The following RNF19A variants were observed in gnomAD, a reference collection of about 807,000 sequenced individuals.
RNF19A encodes E3 ubiquitin-protein ligase RNF19A.
A neutral mutation model predicts 75.7 loss-of-function variants in RNF19A; 32 were observed. The observed-to-expected ratio is 0.42, with a 90% CI of 0.32 to 0.57. The LOEUF is 0.57. Among genes scored for constraint, RNF19A ranks in the 20% least tolerant of loss-of-function variants. RNF19A has a pLI of 0.10. For synonymous variants in RNF19A, 335 were observed against 345.2 expected (o/e 0.97, Z 0.33); for missense variants, 782 against 1,036.3 (o/e 0.75, Z 3.37).
In RNF19A at chr8:100,330,500, C is replaced by T. The variant is rs960164959; in HGVS notation, c.-243+5608G>A. ...ATTAGTGATGAGATTTTTACTGGAA[C>T]TATTAGGAACTGTTGGGGACACTTA... On this transcript the variant is annotated intron_variant, in intron 1 of 3. Coordinates refer to the RNF19A transcript ENST00000519527. The surrounding 1 kb of genome is among the most constrained non-coding windows in gnomAD (Gnocchi z 4.1). 2.6e-5 allele frequency among the ~76,000 whole-genome samples: 4 copies of T among 152,164 alleles called. No homozygotes were observed. The highest frequency in any genetic ancestry group is 9.7e-5 in the African/African-American group (4 of 41,418).
chr8:100,321,656 A>G (rs1019648168), intron 1 of RNF19A, among the ~76,000 whole-genome samples: 3 of 152,236 alleles, frequency 2.0e-5, no homozygotes, highest in African/African-American at 7.2e-5. Flanking sequence ...GATCCATCAG[A>G]GGAATCACTA....
intron 2 of RNF19A, among the ~76,000 whole-genome samples, chr8:100,277,013 T>C (rs1413017371): frequency 6.6e-6 from 1 of 152,126 alleles, no homozygotes; most frequent in African/African-American, 2.4e-5. Flanking sequence ...CTGAATTATT[T>C]CTTACAACTG....
At chr8:100,291,803 T>C (rs540310783) in intron 1 of RNF19A, among the ~76,000 whole-genome samples, 3 of 152,220 alleles carry the variant, frequency 2.0e-5, no homozygotes, top group Non-Finnish European at 2.9e-5. Flanking sequence ...TTTGTGCTGA[T>C]GGTCAAAATA....
intron 1 of RNF19A, among the ~76,000 whole-genome samples, chr8:100,291,270 A>G (rs1821281902): frequency 6.6e-6 from 1 of 152,224 alleles, no homozygotes; most frequent in Admixed American, 6.5e-5. Context: ...GCACCGTACT[A>G]AATGTTAGCT....
chr8:100,273,851 C>A (rs148483250), intron 3 of RNF19A, among the ~76,000 whole-genome samples: 1 of 152,114 alleles, frequency 6.6e-6, no homozygotes, highest in Non-Finnish European at 1.5e-5. Context: ...GGCACAATCT[C>A]GGCTCACTGC....
intron 1 of RNF19A, among the ~76,000 whole-genome samples, chr8:100,335,394 G>A (rs1221454731): frequency 6.6e-6 from 1 of 152,178 alleles, no homozygotes; most frequent in East Asian, 1.9e-4. Flanking sequence ...TAGCTGGGAA[G>A]TGGCAGAGCC....
chr8:100,284,203 TAAC>T lies in RNF19A; in HGVS notation c.674+3295_674+3297del, dbSNP rs1178904269. On this transcript the variant is annotated intron_variant, in intron 2 of 9. Coordinates refer to ENST00000341084, the MANE Select transcript of RNF19A (RefSeq NM_183419.4). This position sits in a 1 kb window ranked among gnomAD's most constrained non-coding sequence, Gnocchi z 4.3. ...CATTAAAGATCTCACTTAATCCTTA[TAAC>T]AACAAGATAGGATAGGGACTCAAAA... Among the ~76,000 whole-genome samples, 2 of 152,154 alleles carry T rather than the reference TAAC, an allele frequency of 1.3e-5. No individual in the cohort carries two copies. The highest frequency in any genetic ancestry group is 2.9e-5 in the Non-Finnish European group (2 of 67,992).
At chr8:100,271,443 C>T (rs577359460) in intron 3 of RNF19A, among the ~76,000 whole-genome samples, 2 of 152,284 alleles carry the variant, frequency 1.3e-5, no homozygotes, top group South Asian at 2.1e-4. Context: ...ATCCTATCTG[C>T]GTAAGCAGCA....
intron 1 of RNF19A, among the ~76,000 whole-genome samples, chr8:100,289,984 C>T (rs1563854729): frequency 6.6e-6 from 1 of 152,196 alleles, no homozygotes; most frequent in Non-Finnish European, 1.5e-5. Context: ...TACTGCTACA[C>T]ACAAGACAGG....
rs746024822 is a variant in RNF19A at position 100,261,317 on chromosome 8, C to T, written c.1682+225G>A. ...TTCGCCATGTTGCCCAGGCTGGTCT[C>T]GAACTCCTGAGCTCAGGCAATCCAC... On this transcript the variant is annotated intron_variant, in intron 8 of 9. Coordinates refer to ENST00000341084, the MANE Select transcript of RNF19A (RefSeq NM_183419.4). The surrounding 1 kb of genome is among the most constrained non-coding windows in gnomAD (Gnocchi z 4.4). 1.1e-4 allele frequency among the ~76,000 whole-genome samples: 17 copies of T among 152,112 alleles called. No individual in the cohort carries two copies. The highest frequency in any genetic ancestry group is 3.4e-3 in the Middle Eastern group (1 of 294).
At chr8:100,309,403 G>A in intron 1 of RNF19A, 1 of 985,772 alleles carries the variant, frequency 1.0e-6, no homozygotes, top group East Asian at 1.1e-4. Flanking sequence ...GGTCCCGTTA[G>A]AGCCGATTTC....
rs1466414569 is a variant in RNF19A, at chr8:100,325,824, T to A, written c.-243+10284A>T. On this transcript the variant is annotated intron_variant, in intron 1 of 3. Transcript: ENST00000519527. The surrounding 1 kb of genome is among the most constrained non-coding windows in gnomAD (Gnocchi z 4.3). ...TCTAAGCTCATAATTTCAATAGATA[T>A]AACACGTCAAGCAAGACTTTAACTC... Among the ~76,000 whole-genome samples, 4 of 152,140 alleles carry A rather than the reference T, an allele frequency of 2.6e-5. No homozygotes were observed. Among genetic ancestry groups the A allele is most frequent in the Non-Finnish European group, 1.5e-5 (1 of 68,040 alleles).
In RNF19A at chr8:100,261,492, A is replaced by G. The variant is rs757494831; in HGVS notation, c.1682+50T>C. The G allele has an allele frequency of 5.6e-6, 8 of 1,436,524 alleles. No homozygotes were observed. The East Asian group carries it at 1.6e-4, about 29-fold the overall frequency. The allele number at this position is 1,436,524 out of a possible 1,614,324, so 89.0% of individuals were successfully genotyped here. A position where few individuals can be genotyped will look rare whatever the true frequency, so the allele number is the denominator to read the frequency against. On this transcript the variant is annotated intron_variant, in intron 8 of 9. Coordinates refer to ENST00000341084, the MANE Select transcript of RNF19A (RefSeq NM_183419.4). The surrounding 1 kb of genome is among the most constrained non-coding windows in gnomAD (Gnocchi z 4.4). ...TATGTTCAAAATTCTCACCTAATTA[A>G]TAATTTGTAGTTACCAGAAAGCAGA...
chr8:100,321,756 G>T (rs1586700037), intron 1 of RNF19A, among the ~76,000 whole-genome samples: 1 of 152,334 alleles, frequency 6.6e-6, no homozygotes, highest in African/African-American at 2.4e-5. Flanking sequence ...GCTGCAGATG[G>T]ATGTTGGGTT....
chr8:100,310,933 A>G (rs151226902), upstream of RNF19A, among the ~76,000 whole-genome samples: 3 of 152,344 alleles, frequency 2.0e-5, no homozygotes, highest in East Asian at 3.9e-4. Context: ...TAGTTGAATA[A>G]ACAAATTCCG....
chr8:100,302,553 AAAAGT>A (rs536075898), intron 1 of RNF19A, among the ~76,000 whole-genome samples: 2 of 152,244 alleles, frequency 1.3e-5, no homozygotes, highest in South Asian at 4.1e-4. Flanking sequence ...AGATTAGGAA[AAAAGT>A]AAAGCCTAGA....
chr8:100,307,550 A>C (rs1310926924), intron 1 of RNF19A, among the ~76,000 whole-genome samples: 1 of 151,956 alleles, frequency 6.6e-6, no homozygotes, highest in Non-Finnish European at 1.5e-5. Flanking sequence ...GCCGCAACAA[A>C]AAAAAAACCG....
At chr8:100,306,495 TA>T (rs1822066908) in intron 1 of RNF19A, among the ~76,000 whole-genome samples, 1 of 152,264 alleles carries the variant, frequency 6.6e-6, no homozygotes, top group South Asian at 2.1e-4. Flanking sequence ...TTAAAAAAGT[TA>T]TCAATAAAAA....
intron 7 of RNF19A, among the ~76,000 whole-genome samples, chr8:100,262,767 C>T (rs990449410): frequency 1.3e-5 from 2 of 152,064 alleles, no homozygotes; most frequent in African/African-American, 4.8e-5. Flanking sequence ...TACAATAGCC[C>T]AGGAAAGAGG....
Sources: gnomAD v4.1 joint callset for allele counts (sites outside exome capture counted in the v4.1 genomes callset) on GRCh38, gnomAD v4.1.1 for gene constraint, Gnocchi (gnomAD v3.1) non-coding constraint, MANE v1.5 for transcripts, NCBI Gene and HGNC (gene_info 2026-07-23, HGNC 2026-07-21) for gene names.